The following ARHGEF28 variants were observed in gnomAD, a reference collection of about 807,000 sequenced individuals.
ARHGEF28 encodes the protein 190 kDa guanine nucleotide exchange factor.
Under a neutral mutation model 206.6 loss-of-function variants are expected in ARHGEF28, and 152 were observed. The observed-to-expected ratio is 0.74, with a 90% CI of 0.64 to 0.84. The LOEUF (loss-of-function observed/expected upper bound fraction) is 0.84, where lower values mean the gene tolerates loss of function less well. Among genes scored for constraint, ARHGEF28 ranks in the 40% least tolerant of loss-of-function variants. The pLI, the probability that ARHGEF28 is intolerant of heterozygous loss-of-function variation, is 0.00. For synonymous variants in ARHGEF28, 763 were observed against 776.4 expected (o/e 0.98, Z 0.29); for missense variants, 2,028 against 2,073.2 (o/e 0.98, Z 0.42).
intron 1 of ARHGEF28, among the ~76,000 whole-genome samples, chr5:73,684,295 T>C (rs1747303299): frequency 6.6e-6 from 1 of 152,256 alleles, no homozygotes. Context: ...TTGGACTATC[T>C]AGGTACCTCA....
chr5:73,742,160 G>A lies in ARHGEF28; in HGVS notation c.34-7677G>A, dbSNP rs374683966. On this transcript the variant is annotated intron_variant, in intron 2 of 35. Transcript: ENST00000513042. ...TTTTCTTGGTTAGTTTTGCATGGAT[G>A]TCTTTTTACTTTTAAGCTTTCTGTG... Among the ~76,000 whole-genome samples, 14 of 152,108 alleles carry A rather than the reference G, an allele frequency of 9.2e-5. No individual in the cohort carries two copies. The East Asian group carries it at 1.2e-3, about 13-fold the overall frequency.
intron 22 of ARHGEF28, among the ~76,000 whole-genome samples, chr5:73,881,941 C>G (rs1166060335): frequency 6.6e-6 from 1 of 152,158 alleles, no homozygotes; most frequent in Non-Finnish European, 1.5e-5. Context: ...TGCCCTTGAT[C>G]TATTTGTAAT....
At chr5:73,802,874 G>A (rs866666859) in intron 9 of ARHGEF28, among the ~76,000 whole-genome samples, 1 of 116,138 alleles carries the variant, frequency 8.6e-6, no homozygotes, top group African/African-American at 3.6e-5. Flanking sequence ...CGATTGCTGT[G>A]TGTGTGTGTG....
Position 73,868,206 on chromosome 5 carries a change from A to G in ARHGEF28, c.2404A>G (p.Thr802Ala), listed in dbSNP as rs767359185. The change falls in exon 20 of 36, where the codon ACA becomes GCA. Residue 802 changes from threonine (T) to alanine (A), a missense_variant. By Grantham distance (58) the Thr-to-Ala change is moderately conservative (BLOSUM62 0). Around this residue, in one of 3 missense-constraint regions of ARHGEF28, gnomAD observed 1,002 missense variants for 1,015.3 expected, o/e 0.99. Coordinates refer to ENST00000513042, the MANE Select transcript of ARHGEF28 (RefSeq NM_001177693.2). ...LLQSMGSSPS[T>A]ESFIMEDVVD... is the part of the protein sequence containing the mutation. ...ACAGTCCATGGGCTCTTCTCCCTCT[A>G]CAGAGTCTTTCATAATGGAAGGTGA... is the stretch of plus-strand genomic sequence containing the variant. 3.1e-6 allele frequency: 5 copies of G among 1,590,532 alleles called. No individual in the cohort carries two copies. The East Asian group carries it at 9.0e-5, about 29-fold the overall frequency.
intron 9 of ARHGEF28, among the ~76,000 whole-genome samples, chr5:73,807,010 G>A (rs926454879): frequency 3.4e-5 from 5 of 147,174 alleles, no homozygotes; most frequent in Admixed American, 6.8e-5. Context: ...TATTAAGTCT[G>A]TGAACAAGTC....
intron 2 of ARHGEF28, among the ~76,000 whole-genome samples, chr5:73,724,603 C>T (rs930227953): frequency 1.3e-5 from 2 of 152,136 alleles, no homozygotes; most frequent in African/African-American, 4.8e-5. Flanking sequence ...TGTTCTTTTC[C>T]CTATAGCTGT....
chr5:73,733,052 C>A (rs188688452), intron 2 of ARHGEF28, among the ~76,000 whole-genome samples: 31 of 152,190 alleles, frequency 2.0e-4, no homozygotes. Context: ...TGAATAAGTT[C>A]TTTAGTGGTG....
At chr5:73,786,851 C>G (rs564360898) in intron 7 of ARHGEF28, among the ~76,000 whole-genome samples, 1 of 152,114 alleles carries the variant, frequency 6.6e-6, no homozygotes, top group African/African-American at 2.4e-5. Flanking sequence ...GGTAAAGATA[C>G]GTGTTTTGAG....
At chr5:73,843,645 G>C (rs1248217762) in intron 11 of ARHGEF28, among the ~76,000 whole-genome samples, 1 of 152,102 alleles carries the variant, frequency 6.6e-6, no homozygotes, top group African/African-American at 2.4e-5. Context: ...TGGGACCTGA[G>C]TCCTAAGTTT....
chr5:73,876,958 C>T (rs1760541280), intron 22 of ARHGEF28, among the ~76,000 whole-genome samples: 1 of 145,182 alleles, frequency 6.9e-6, no homozygotes, highest in Non-Finnish European at 1.5e-5. Flanking sequence ...GGAGGATTCC[C>T]TCTTTTTCTA....
chr5:73,756,621 G>A (rs1269590474), intron 4 of ARHGEF28, among the ~76,000 whole-genome samples: 3 of 152,136 alleles, frequency 2.0e-5, no homozygotes, highest in Non-Finnish European at 4.4e-5. Flanking sequence ...CCTCAGTTCT[G>A]TTATGTATGT....
chr5:73,874,805 A>G (rs899009688), intron 22 of ARHGEF28, among the ~76,000 whole-genome samples: 1 of 147,540 alleles, frequency 6.8e-6, no homozygotes, highest in African/African-American at 2.5e-5. Flanking sequence ...CATTTTCTTA[A>G]TCCAGTCTAT....
Position 73,897,967 on chromosome 5 carries a change from A to C in ARHGEF28, c.3847A>C (p.Ser1283Arg). The C allele has an allele frequency of 1.3e-6, 2 of 1,576,188 alleles. No homozygotes were observed. Among genetic ancestry groups the C allele is most frequent in the Non-Finnish European group, 1.7e-6 (2 of 1,159,878 alleles). Residue 1283 changes from serine (S) to arginine (R), a missense_variant, in exon 30 of 36, where the codon AGC (serine) becomes CGC (arginine). Ser to Arg is a moderately radical substitution (Grantham distance 110). Coordinates refer to ENST00000513042, the MANE Select transcript of ARHGEF28 (RefSeq NM_001177693.2). Reference sequence around the variant, plus strand: ...TTTGTTTTTCTCCATCTTAGCTGAGAGCCTACAAGTTGCAGTGAAGGCCTC... The same window carrying C: ...TTTGTTTTTCTCCATCTTAGCTGAGCGCCTACAAGTTGCAGTGAAGGCCTC... The part of the protein sequence containing the change: ...LLAAALKEAE[S>R]LQVAVKASQM...
intron 7 of ARHGEF28, among the ~76,000 whole-genome samples, chr5:73,788,685 G>A (rs1046505133): frequency 1.3e-5 from 2 of 152,222 alleles, no homozygotes; most frequent in South Asian, 2.1e-4. Context: ...GATTAGGAAA[G>A]GGTGGTTTGT....
At chr5:73,664,261 T>G (rs1745804287) in intron 1 of ARHGEF28, among the ~76,000 whole-genome samples, 1 of 152,246 alleles carries the variant, frequency 6.6e-6, no homozygotes, top group Non-Finnish European at 1.5e-5. Context: ...TTTGTTTGCT[T>G]CATTTACCCT....
chr5:73,632,704 G>GA (rs1429474383), intron 1 of ARHGEF28, among the ~76,000 whole-genome samples: 2 of 152,154 alleles, frequency 1.3e-5, no homozygotes, highest in Non-Finnish European at 2.9e-5. Flanking sequence ...TAAGTGACAT[G>GA]ATTTTGAATC....
At chr5:73,880,670 C>T (rs1409135785) in intron 22 of ARHGEF28, among the ~76,000 whole-genome samples, 5 of 152,176 alleles carry the variant, frequency 3.3e-5, no homozygotes, top group African/African-American at 1.2e-4. Flanking sequence ...TGGTGGCTCA[C>T]GCCTGTAAGC....
At position 73,645,015 on chromosome 5, in the gene ARHGEF28, G is replaced by C. The variant is rs1161862249; in HGVS notation, c.-12+18693G>C. Among the ~76,000 whole-genome samples the C allele has an allele frequency of 2.0e-5, 3 of 152,136 alleles. No individual in the cohort carries two copies. In the East Asian group the frequency reaches 5.8e-4, roughly 29 times the overall value. On this transcript the variant is annotated intron_variant, in intron 1 of 35. Coordinates refer to ENST00000513042, the MANE Select transcript of ARHGEF28 (RefSeq NM_001177693.2). ...AATAAAATTTGTATATCTTTTTATAGTTTTTAGAGGGCTCCTATTAACATT... is the reference window on the plus strand; with the variant it reads ...AATAAAATTTGTATATCTTTTTATACTTTTTAGAGGGCTCCTATTAACATT...
chr5:73,748,305 C>T (rs983846881), intron 2 of ARHGEF28, among the ~76,000 whole-genome samples: 1 of 152,066 alleles, frequency 6.6e-6, no homozygotes, highest in South Asian at 2.1e-4. Context: ...CACGCATGCT[C>T]ATATGCAGAA....
Sources: gnomAD v4.1 joint callset for allele counts (sites outside exome capture counted in the v4.1 genomes callset) on GRCh38, gnomAD v4.1.1 for gene constraint, gnomAD v4.1.1 regional missense constraint, MANE v1.5 for transcripts, NCBI Gene and HGNC (gene_info 2026-07-23, HGNC 2026-07-21) for gene names.